DTNBP1: variants seen among roughly 807,000 people sequenced by gnomAD.
The protein encoded by DTNBP1 is dystrobrevin binding protein 1, also known as dysbindin.
Under a neutral mutation model 42.8 loss-of-function variants are expected in DTNBP1, and 35 were observed. The ratio of observed to expected loss-of-function variants is 0.82; its 90% CI spans 0.63 to 1.09. The LOEUF (loss-of-function observed/expected upper bound fraction) is 1.09, where lower values mean the gene tolerates loss of function less well. Ranked by LOEUF, DTNBP1 falls within the 50% of genes least tolerant of loss-of-function variation. The pLI, the probability that DTNBP1 is intolerant of heterozygous loss-of-function variation, is 0.00. For synonymous variants in DTNBP1, 171 were observed against 162.2 expected (o/e 1.05, Z -0.41); for missense variants, 457 against 424.2 (o/e 1.08, Z -0.68).
chr6:15,651,308 C>T lies in DTNBP1; in HGVS notation c.161+5G>A, dbSNP rs1383982285. On this transcript the variant is annotated splice_donor_5th_base_variant and intron_variant, in intron 3 of 9. Coordinates refer to ENST00000344537, the MANE Select transcript of DTNBP1 (RefSeq NM_032122.5). ...ATAACCTTCCTCTACAAATGAAACACTTACCTGCTAAGTAATTCTAATCCA... is the reference window on the plus strand; with the variant it reads ...ATAACCTTCCTCTACAAATGAAACATTTACCTGCTAAGTAATTCTAATCCA... The T allele has an allele frequency of 2.5e-6, 4 of 1,611,154 alleles. No individual in the cohort carries two copies. In the African/African-American group the frequency reaches 4.0e-5, roughly 16 times the overall value.
chr6:15,614,425 A>C (rs1420405912), intron 6 of DTNBP1, among the ~76,000 whole-genome samples: 1 of 151,928 alleles, frequency 6.6e-6, no homozygotes, highest in Non-Finnish European at 1.5e-5. Flanking sequence ...AGCCAGACCC[A>C]ATCCCATGAC....
chr6:15,575,757 T>C (rs531046737), intron 7 of DTNBP1, among the ~76,000 whole-genome samples: 1 of 152,146 alleles, frequency 6.6e-6, no homozygotes, highest in East Asian at 1.9e-4. Flanking sequence ...ATAGGATGAA[T>C]AGATGTGGGA....
chr6:15,528,596 C>T lies in DTNBP1; in HGVS notation c.668-3927G>A, dbSNP rs183636034. Among the ~76,000 whole-genome samples, 214 of 152,270 alleles carry T rather than the reference C, an allele frequency of 1.4e-3. 1 individual carries two copies. The highest frequency in any genetic ancestry group is 4.9e-3 in the African/African-American group (203 of 41,536). Reference sequence around the variant, plus strand: ...AACTGCCAAAGGTGTCGTTTCATTCCAACAGATTAGCAAAAATTTAAAAAT... The same window carrying T: ...AACTGCCAAAGGTGTCGTTTCATTCTAACAGATTAGCAAAAATTTAAAAAT... On this transcript the variant is annotated intron_variant, in intron 8 of 9. Coordinates refer to ENST00000344537, the MANE Select transcript of DTNBP1 (RefSeq NM_032122.5).
intron 8 of DTNBP1, among the ~76,000 whole-genome samples, chr6:15,528,031 AAGAT>A (rs1772532681): frequency 6.6e-6 from 1 of 152,234 alleles, no homozygotes; most frequent in South Asian, 2.1e-4. Context: ...CACTTGCAGA[AAGAT>A]CCAATACCAC....
At chr6:15,620,571 T>C (rs754014746) in intron 5 of DTNBP1, among the ~76,000 whole-genome samples, 1 of 152,218 alleles carries the variant, frequency 6.6e-6, no homozygotes, top group Non-Finnish European at 1.5e-5. Flanking sequence ...AAAGAAGCAA[T>C]ATTCAGCTCA....
At chr6:15,648,366 C>T (rs1455085979) in intron 3 of DTNBP1, among the ~76,000 whole-genome samples, 3 of 151,840 alleles carry the variant, frequency 2.0e-5, no homozygotes, top group East Asian at 1.9e-4. Context: ...TTTTCCACTT[C>T]GATTCAACAC....
At chr6:15,542,755 G>A (rs573170575) in intron 7 of DTNBP1, among the ~76,000 whole-genome samples, 1 of 151,958 alleles carries the variant, frequency 6.6e-6, no homozygotes, top group Non-Finnish European at 1.5e-5. Flanking sequence ...AAAATGGCAC[G>A]ATCTTGGCTC....
rs13190814 is a variant in DTNBP1, at chr6:15,641,555, T to C, written c.162-3751A>G. Among the ~76,000 whole-genome samples, 19 of 152,218 alleles carry C rather than the reference T, an allele frequency of 1.2e-4. No homozygotes were observed. In the East Asian group the frequency reaches 3.5e-3, roughly 28 times the overall value. On this transcript the variant is annotated intron_variant, in intron 3 of 9. Transcript: ENST00000344537. ...GCCCTTGTGACCCAAAGCAATACTA[T>C]TGATGGTGACTTGAAAACCTCCTGG... is the stretch of plus-strand genomic sequence containing the variant.
chr6:15,582,593 G>T (rs1254458383), intron 7 of DTNBP1, among the ~76,000 whole-genome samples: 2 of 152,056 alleles, frequency 1.3e-5, no homozygotes, highest in African/African-American at 4.8e-5. Context: ...AATCCTGGTG[G>T]TTATTTATTT....
intron 7 of DTNBP1, among the ~76,000 whole-genome samples, chr6:15,592,063 C>G (rs1288775653): frequency 6.6e-6 from 1 of 152,142 alleles, no homozygotes; most frequent in Non-Finnish European, 1.5e-5. Context: ...AAACAGAAAT[C>G]CAGCCAAACA....
intron 7 of DTNBP1, among the ~76,000 whole-genome samples, chr6:15,568,463 C>T (rs1030005568): frequency 1.3e-5 from 2 of 152,138 alleles, no homozygotes; most frequent in African/African-American, 4.8e-5. Context: ...TTAGAAGTCT[C>T]GGACACAAAC....
chr6:15,532,242 C>G (rs1410725290), intron 8 of DTNBP1, among the ~76,000 whole-genome samples: 1 of 152,234 alleles, frequency 6.6e-6, no homozygotes, highest in African/African-American at 2.4e-5. Context: ...AGTGCCGCTG[C>G]CCTGCCCACC....
chr6:15,618,671 C>T (rs1758861093), intron 5 of DTNBP1, among the ~76,000 whole-genome samples: 1 of 152,076 alleles, frequency 6.6e-6, no homozygotes, highest in Non-Finnish European at 1.5e-5. Context: ...ATGGAAGTTC[C>T]TTAAAAATTC....
intron 5 of DTNBP1, among the ~76,000 whole-genome samples, chr6:15,623,543 C>T (rs552070173): frequency 1.3e-5 from 2 of 152,194 alleles, no homozygotes; most frequent in East Asian, 1.9e-4. Context: ...CAGAGTGAGA[C>T]TCTGTCTCTT....
At chr6:15,591,795 T>A (rs895438879) in intron 7 of DTNBP1, among the ~76,000 whole-genome samples, 2 of 152,216 alleles carry the variant, frequency 1.3e-5, no homozygotes, top group Non-Finnish European at 2.9e-5. Context: ...TGATTGTTTT[T>A]TTCATCTCTT....
At chr6:15,634,506 C>T (rs148104950) in intron 4 of DTNBP1, among the ~76,000 whole-genome samples, 1 of 152,210 alleles carries the variant, frequency 6.6e-6, no homozygotes. Context: ...TCAGTAGAGA[C>T]AGGATTTCAC....
intron 3 of DTNBP1, 116 bp downstream of exon 3, chr6:15,651,197 A>T: frequency 1.1e-6 from 1 of 902,928 alleles, no homozygotes; most frequent in Non-Finnish European, 1.8e-6. Context: ...ATTTCCAATC[A>T]CTGCATTAAG....
chr6:15,662,722 G>C (rs1761721917), intron 1 of DTNBP1, 92 bp downstream of exon 1: 28 of 1,555,310 alleles, frequency 1.8e-5, no homozygotes, highest in Non-Finnish European at 2.4e-5. Context: ...ACGGACCCTG[G>C]ACCGTGGCGC....
At chr6:15,548,767 A>G (rs1774038559) in intron 7 of DTNBP1, among the ~76,000 whole-genome samples, 1 of 152,342 alleles carries the variant, frequency 6.6e-6, no homozygotes, top group Middle Eastern at 3.4e-3. Context: ...GGCAGTTAAT[A>G]TGTCAGCACA....
Sources: gnomAD v4.1 joint callset for allele counts (sites outside exome capture counted in the v4.1 genomes callset) on GRCh38, gnomAD v4.1.1 for gene constraint, MANE v1.5 for transcripts, NCBI Gene and HGNC (gene_info 2026-07-23, HGNC 2026-07-21) for gene names.